The following FCRL6 variants were observed in gnomAD, a reference collection of about 807,000 sequenced individuals.
The protein encoded by FCRL6 is Fc receptor like 6.
In FCRL6, 50 loss-of-function variants were observed where a neutral mutation model predicts 49.1. The ratio of observed to expected loss-of-function variants is 1.02; its 90% CI spans 0.81 to 1.29. The LOEUF (loss-of-function observed/expected upper bound fraction) is 1.29, where lower values mean the gene tolerates loss of function less well. FCRL6 is among the 50% of genes most tolerant of loss of function. The pLI is 0.00. For synonymous variants in FCRL6, 213 were observed against 199.6 expected (o/e 1.07, Z -0.57); for missense variants, 571 against 518.5 (o/e 1.10, Z -0.98).
chr1:159,802,132 C>T (rs542129496), upstream of FCRL6, among the ~76,000 whole-genome samples: 1 of 152,156 alleles, frequency 6.6e-6, no homozygotes, highest in Non-Finnish European at 1.5e-5. Context: ...AGTTCCCTGG[C>T]ATAGGCTTGT....
chr1:159,814,691 C>T (rs138267064), intron 8 of FCRL6, among the ~76,000 whole-genome samples: 5 of 152,286 alleles, frequency 3.3e-5, no homozygotes, highest in African/African-American at 1.2e-4. Flanking sequence ...TCCTTTGCTC[C>T]AGAGTCTAAG....
chr1:159,815,201 A>C (rs1663321217), intron 8 of FCRL6, among the ~76,000 whole-genome samples: 1 of 152,140 alleles, frequency 6.6e-6, no homozygotes, highest in South Asian at 2.1e-4. Flanking sequence ...GGAGTCTCTT[A>C]ATTGAAGGGC....
Position 159,809,077 on chromosome 1 carries a change from C to T in FCRL6, c.436C>T (p.Leu146Phe), listed in dbSNP as rs146411865. 2.2e-4 allele frequency: 353 copies of T among 1,614,088 alleles called. 1 individual carries two copies. The African/African-American group carries it at 4.2e-3, about 19-fold the overall frequency. The change falls in exon 4 of 10, where the codon CTT becomes TTT. Residue 146 changes from leucine to phenylalanine, a missense_variant. Leu to Phe is a conservative substitution (Grantham distance 22). Transcript: ENST00000368106. ...LHPLRSALRLLFSFHKDGHTL... is the reference protein window; with the variant it reads ...LHPLRSALRLFFSFHKDGHTL... Reference sequence around the variant, plus strand: ...CCCCCTGAGGTCAGCCTTGAGGCTCCTTTTCTCCTTCCACAAGGACGGCCA... The same window carrying T: ...CCCCCTGAGGTCAGCCTTGAGGCTCTTTTTCTCCTTCCACAAGGACGGCCA...
chr1:159,802,357 G>T (rs1662385313), upstream of FCRL6: 3 of 1,598,150 alleles, frequency 1.9e-6, no homozygotes, highest in East Asian at 2.3e-5. Context: ...AGGCCTGGTT[G>T]CTCTCTGCCG....
intron 3 of FCRL6, 157 bp from the exon 4 acceptor site, chr1:159,808,804 T>G (rs1662883025): frequency 2.8e-6 from 2 of 721,522 alleles, no homozygotes; most frequent in Non-Finnish European, 2.2e-6. Context: ...TTTCAGAGTT[T>G]GTGGGTGAGG....
chr1:159,802,278 C>T, upstream of FCRL6: 1 of 660,862 alleles, frequency 1.5e-6, no homozygotes, highest in Non-Finnish European at 2.6e-6. Flanking sequence ...AGTTTCTTTT[C>T]CACTTCCTAT....
intron 8 of FCRL6, among the ~76,000 whole-genome samples, chr1:159,815,118 C>T (rs928690525): frequency 6.6e-6 from 1 of 152,170 alleles, no homozygotes; most frequent in African/African-American, 2.4e-5. Context: ...TCCTAATCTG[C>T]AAAAATGGGT....
intron 1 of FCRL6, among the ~76,000 whole-genome samples, chr1:159,805,430 G>A (rs552479729): frequency 8.9e-4 from 136 of 152,222 alleles, no homozygotes; most frequent in African/African-American, 3.2e-3. Context: ...GTAAATGTAT[G>A]AGGATTGGCT....
chr1:159,811,701 T>C (rs546325276), intron 6 of FCRL6, among the ~76,000 whole-genome samples: 1 of 152,340 alleles, frequency 6.6e-6, no homozygotes, highest in Admixed American at 6.5e-5. Context: ...TGAGTCTGGA[T>C]TCAATACAGG....
rs1292644139 is a variant in FCRL6, at chr1:159,809,190, C to T, written c.549C>T (p.Ala183=). Residue 183 remains alanine, a synonymous_variant, in exon 4 of 10, where the codon GCC becomes GCT. Transcript: ENST00000368106. The part of the protein sequence containing the change: ...GDSGLYWCEV[A]PEGGQVQKQS... ...CTGGGCTTTACTGGTGTGAGGTGGC[C>T]CCTGAGGGTGGCCAGGTCCAGAAGC... is the stretch of plus-strand genomic sequence containing the variant. 4.4e-6 allele frequency: 7 copies of T among 1,603,312 alleles called. No homozygotes were observed. In the East Asian group the frequency reaches 1.3e-4, roughly 31 times the overall value.
Position 159,810,165 on chromosome 1 carries a change from ATGGTTATTGCTGCTGCACTTC to A in FCRL6, c.964_984del (p.Ile322_Val328del), listed in dbSNP as rs763164855. On this transcript the variant is annotated inframe_deletion, in exon 6 of 10. Coordinates refer to ENST00000368106, the MANE Select transcript of FCRL6 (RefSeq NM_001004310.3). ...GCTTCCTGCGAGCCTGCTTGGCCTGATGGTTATTGCTGCTGCACTTCTGGTTTATGTGAGATCCTGGAGAAA... is the reference window on the plus strand; with the variant it reads ...GCTTCCTGCGAGCCTGCTTGGCCTGATGGTTTATGTGAGATCCTGGAGAAA... 3 of 1,613,814 alleles carry A rather than the reference ATGGTTATTGCTGCTGCACTTC, an allele frequency of 1.9e-6. No individual in the cohort carries two copies. The highest frequency in any genetic ancestry group is 2.2e-5 in the South Asian group (2 of 91,042).
In FCRL6 at chr1:159,809,129, C is replaced by T. The variant is rs754803990; in HGVS notation, c.488C>T (p.Pro163Leu). 1.9e-6 allele frequency: 3 copies of T among 1,614,064 alleles called. No homozygotes were observed. The highest frequency in any genetic ancestry group is 2.5e-6 in the Non-Finnish European group (3 of 1,179,952). ...GHTLQDRGPH[P>L]ELCIPGAKEG... ...ACCTTGCAGGACAGGGGCCCTCACCCAGAACTCTGCATCCCGGGAGCCAAG... is the reference window on the plus strand; with the variant it reads ...ACCTTGCAGGACAGGGGCCCTCACCTAGAACTCTGCATCCCGGGAGCCAAG... Residue 163 changes from proline to leucine, a missense_variant, in exon 4 of 10, where the codon CCA (proline) becomes CTA (leucine). Transcript: ENST00000368106.
Position 159,815,539 on chromosome 1 carries a change from A to C in FCRL6, c.1183A>C (p.Ser395Arg), listed in dbSNP as rs770428080. The C allele has an allele frequency of 2.5e-6, 4 of 1,614,202 alleles. No homozygotes were observed. The South Asian group carries it at 4.4e-5, about 18-fold the overall frequency. Residue 395 changes from serine to arginine, a missense_variant, in exon 10 of 10, where the codon AGT becomes CGT. By Grantham distance (110) the Ser-to-Arg change is moderately radical. Coordinates refer to ENST00000368106, the MANE Select transcript of FCRL6 (RefSeq NM_001004310.3). Reference sequence around the variant, plus strand: ...TCCTGAGCCAACTCTTCCACAGGACAGTTCTATCATCTGTGCGGAGGTGAG... The same window carrying C: ...TCCTGAGCCAACTCTTCCACAGGACCGTTCTATCATCTGTGCGGAGGTGAG... ...SAEFTVGRKD[S>R]SIICAEVRCL...
intron 6 of FCRL6, among the ~76,000 whole-genome samples, chr1:159,810,665 G>C (rs763120425): frequency 6.6e-6 from 1 of 152,088 alleles, no homozygotes; most frequent in Non-Finnish European, 1.5e-5. Context: ...GAACTACAGT[G>C]TGTATGCATA....
At position 159,815,901 on chromosome 1, in the gene FCRL6, G is replaced by A. The variant is rs367783649; in HGVS notation, c.*240G>A. 1 of 491,828 alleles carries A rather than the reference G, an allele frequency of 2.0e-6. No homozygotes were observed. 30.5% of individuals were successfully genotyped at this position (491,828 alleles called of 1,614,324 possible). A position where few individuals can be genotyped will look rare whatever the true frequency, so the allele number is the denominator to read the frequency against. ...CAACACACACACTTAGGTTCAATCA[G>A]TGACACTGGACACATAAGCCACAGA... is the stretch of plus-strand genomic sequence containing the variant. On this transcript the variant is annotated 3_prime_UTR_variant, in exon 10 of 10. Coordinates refer to ENST00000368106, the MANE Select transcript of FCRL6 (RefSeq NM_001004310.3).
upstream of FCRL6, chr1:159,802,174 G>A (rs937802336): frequency 6.8e-6 from 3 of 443,726 alleles, no homozygotes; most frequent in South Asian, 2.9e-5. Flanking sequence ...GGATTTATTA[G>A]TGATTTACCG....
intron 6 of FCRL6, among the ~76,000 whole-genome samples, chr1:159,812,101 C>G (rs1178814965): frequency 6.6e-6 from 1 of 152,234 alleles, no homozygotes; most frequent in Non-Finnish European, 1.5e-5. Flanking sequence ...CACCCACTGC[C>G]AACCTTGGAG....
intron 7 of FCRL6, among the ~76,000 whole-genome samples, chr1:159,813,793 G>C (rs954164142): frequency 6.6e-6 from 1 of 152,226 alleles, no homozygotes; most frequent in Non-Finnish European, 1.5e-5. Context: ...TTTGGACCAA[G>C]GGTTGGCAAA....
At chr1:159,810,560 G>A (rs1663031203) in intron 6 of FCRL6, among the ~76,000 whole-genome samples, 1 of 150,506 alleles carries the variant, frequency 6.6e-6, no homozygotes, top group African/African-American at 2.4e-5. Context: ...ACAATCTGTG[G>A]CTAGGAATAT....
Sources: allele counts gnomAD v4.1 joint callset (sites outside exome capture counted in the v4.1 genomes callset), GRCh38; gene constraint gnomAD v4.1.1; transcripts MANE v1.5; gene names NCBI Gene and HGNC (gene_info 2026-07-23, HGNC 2026-07-21).